The following ATP2C1 variants were observed in gnomAD, a reference collection of about 807,000 sequenced individuals.
ATP2C1 encodes calcium-transporting ATPase type 2C member 1.
Under a neutral mutation model 120.5 loss-of-function variants are expected in ATP2C1, and 31 were observed. That is an observed-to-expected ratio of 0.26 (90% confidence interval 0.19 to 0.35). The LOEUF is 0.35. Among genes scored for constraint, ATP2C1 ranks in the 10% least tolerant of loss-of-function variants. ATP2C1 has a pLI of 1.00. For synonymous variants in ATP2C1, 351 were observed against 358.7 expected (o/e 0.98, Z 0.24); for missense variants, 731 against 1,107.5 (o/e 0.66, Z 4.83).
intron 8 of ATP2C1, among the ~76,000 whole-genome samples, chr3:130,942,329 C>T (rs992599542): frequency 2.0e-5 from 3 of 152,138 alleles, no homozygotes; most frequent in African/African-American, 7.2e-5. Context: ...TTAGGAGTTA[C>T]CTTTTGAGGC....
chr3:130,958,030 T>G lies in ATP2C1; in HGVS notation c.833-1245T>G, dbSNP rs138031575. Among the ~76,000 whole-genome samples, 587 of 152,288 alleles carry G rather than the reference T, an allele frequency of 3.9e-3. 1 individual carries two copies. The highest frequency in any genetic ancestry group is 0.014 in the Middle Eastern group (4 of 294). Reference sequence around the variant, plus strand: ...TGATTATTGCTCATTTTCTAGAAATTTTATAGTGAATTTGATAGATCGAAT... The same window carrying G: ...TGATTATTGCTCATTTTCTAGAAATGTTATAGTGAATTTGATAGATCGAAT... On this transcript the variant is annotated intron_variant, in intron 11 of 27. Coordinates refer to ENST00000510168, the MANE Select transcript of ATP2C1 (RefSeq NM_001378687.1).
intron 18 of ATP2C1, among the ~76,000 whole-genome samples, chr3:130,976,837 G>A (rs1353538636): frequency 1.3e-5 from 2 of 152,150 alleles, no homozygotes; most frequent in Non-Finnish European, 2.9e-5. Context: ...AAACCACAGG[G>A]TTTTGATGTG....
intron 26 of ATP2C1, among the ~76,000 whole-genome samples, chr3:131,011,742 G>A (rs1281905552): frequency 6.6e-6 from 1 of 152,180 alleles, no homozygotes; most frequent in Non-Finnish European, 1.5e-5. Flanking sequence ...CTTTATGTAA[G>A]GGTAAAAACC....
chr3:130,908,227 T>C (rs902501238), intron 2 of ATP2C1, among the ~76,000 whole-genome samples: 5 of 152,192 alleles, frequency 3.3e-5, no homozygotes, highest in South Asian at 2.1e-4. Context: ...ATTCTGTACC[T>C]GTACTTGCAC....
In ATP2C1 at chr3:130,864,195, G is replaced by A. The variant is rs146512693; in HGVS notation, c.108+13267G>A. ...GGAGATGAGGAACTTGTTGAGAACC[G>A]GAGTGAAGGTGACTCTTGTTATGTT... On this transcript the variant is annotated intron_variant, in intron 1 of 26. Coordinates refer to the ATP2C1 transcript ENST00000504381. Among the ~76,000 whole-genome samples the A allele has an allele frequency of 7.4e-4, 112 of 152,298 alleles. 1 individual carries two copies. Among genetic ancestry groups the A allele is most frequent in the African/African-American group, 2.6e-3 (106 of 41,568 alleles).
In ATP2C1 at chr3:130,980,571, A is replaced by C; in HGVS notation, c.1742-11A>C. 6.2e-7 allele frequency: 1 copy of C among 1,606,420 alleles called. No individual in the cohort carries two copies. The highest frequency in any genetic ancestry group is 8.5e-7 in the Non-Finnish European group (1 of 1,173,406). The stretch of plus-strand genomic sequence containing the variant: ...TTTGGTTTATTACATTTTCTCTCTC[A>C]TTTGCTTTAGCCAGTCGTCTGGGAT... On this transcript the variant is annotated splice_polypyrimidine_tract_variant and intron_variant, in intron 19 of 27. Transcript: ENST00000510168.
chr3:130,941,298 G>A (rs914682397), intron 7 of ATP2C1, among the ~76,000 whole-genome samples: 7 of 151,864 alleles, frequency 4.6e-5, no homozygotes, highest in Non-Finnish European at 8.8e-5. Flanking sequence ...GCATGCATGC[G>A]CGTGTCCATG....
Position 130,996,664 on chromosome 3 carries a change from C to T in ATP2C1, c.2127-16C>T, listed in dbSNP as rs2062637266. 1 of 1,478,490 alleles carries T rather than the reference C, an allele frequency of 6.8e-7. No individual in the cohort carries two copies. The highest frequency in any genetic ancestry group is 9.5e-7 in the Non-Finnish European group (1 of 1,056,494). 91.6% of individuals were successfully genotyped at this position (1,478,490 alleles called of 1,614,324 possible). ...TTACTCTACTGATATTTTTAAATGACTCTCTTTTTCAACAGGAGTATAGCA... is the reference window on the plus strand; with the variant it reads ...TTACTCTACTGATATTTTTAAATGATTCTCTTTTTCAACAGGAGTATAGCA... On this transcript the variant is annotated splice_polypyrimidine_tract_variant and intron_variant, in intron 23 of 27. Transcript: ENST00000510168.
chr3:130,982,670 C>A (rs950985878), intron 20 of ATP2C1, among the ~76,000 whole-genome samples: 7 of 152,102 alleles, frequency 4.6e-5, no homozygotes, highest in African/African-American at 1.7e-4. Context: ...CTACCTCCTC[C>A]TTCATTTATT....
chr3:130,984,248 C>G (rs2061897475), intron 20 of ATP2C1, among the ~76,000 whole-genome samples: 1 of 152,034 alleles, frequency 6.6e-6, no homozygotes. Context: ...TATTATTGAA[C>G]CTAAGATGTA....
intron 2 of ATP2C1, among the ~76,000 whole-genome samples, chr3:130,908,469 TAAA>T (rs111613898): frequency 6.9e-6 from 1 of 143,970 alleles, no homozygotes; most frequent in African/African-American, 2.5e-5. Flanking sequence ...TATTAGAAAT[TAAA>T]AAAAAAAAAC....
At chr3:130,999,758 A>G (rs1227945390) in intron 27 of ATP2C1, 99 bp downstream of exon 27, 2 of 1,151,174 alleles carry the variant, frequency 1.7e-6, no homozygotes, top group African/African-American at 1.6e-5. Flanking sequence ...ATAGCAAAAT[A>G]AGTAACTCAC....
At chr3:130,937,334 A>T in intron 5 of ATP2C1, 94 bp from the exon 6 acceptor site, 1 of 1,029,994 alleles carries the variant, frequency 9.7e-7, no homozygotes, top group Non-Finnish European at 1.5e-6. Flanking sequence ...AAAATCTGTT[A>T]TTGTGGGACT....
chr3:130,996,301 CAGTT>C (rs1394648344), intron 23 of ATP2C1, 190 bp downstream of exon 23: 7 of 610,964 alleles, frequency 1.1e-5, no homozygotes, highest in African/African-American at 7.4e-5. Context: ...GTAAATGTAA[CAGTT>C]AGATGTCTGT....
chr3:130,859,308 G>A (rs529120738), intron 1 of ATP2C1, among the ~76,000 whole-genome samples: 4 of 152,274 alleles, frequency 2.6e-5, no homozygotes, highest in East Asian at 3.9e-4. Context: ...GTAATTCTCC[G>A]TCAAGGTAAA....
chr3:130,978,091 T>G (rs2061602217), intron 18 of ATP2C1, among the ~76,000 whole-genome samples: 1 of 152,188 alleles, frequency 6.6e-6, no homozygotes, highest in Non-Finnish European at 1.5e-5. Context: ...TCTTTCCGTC[T>G]TAGGATTTGC....
intron 4 of ATP2C1, among the ~76,000 whole-genome samples, chr3:130,934,215 A>G (rs542161508): frequency 1.3e-5 from 2 of 152,324 alleles, no homozygotes; most frequent in East Asian, 3.9e-4. Flanking sequence ...ACACCATTGT[A>G]CTTGAGAAAT....
At chr3:130,965,069 A>C (rs1559983655) in intron 14 of ATP2C1, 24 bp downstream of exon 14, 1 of 1,529,014 alleles carries the variant, frequency 6.5e-7, no homozygotes, top group Non-Finnish European at 9.1e-7. Context: ...TTTTAAAAAC[A>C]AACAAAAACA....
intron 1 of ATP2C1, among the ~76,000 whole-genome samples, chr3:130,857,846 G>C (rs756865109): frequency 6.6e-6 from 1 of 152,164 alleles, no homozygotes; most frequent in Non-Finnish European, 1.5e-5. Context: ...ACGATCACAA[G>C]GTGAAATCCC....
Sources: gnomAD v4.1 joint callset for allele counts (sites outside exome capture counted in the v4.1 genomes callset) on GRCh38, gnomAD v4.1.1 for gene constraint, MANE v1.5 for transcripts, NCBI Gene and HGNC (gene_info 2026-07-23, HGNC 2026-07-21) for gene names.